Variants in TBC1D1 observed in about 807,000 individuals in gnomAD.
TBC1D1 encodes TBC1 domain family member 1.
Under a neutral mutation model 125.6 loss-of-function variants are expected in TBC1D1, and 89 were observed. The ratio of observed to expected loss-of-function variants is 0.71; its 90% CI spans 0.60 to 0.85. The LOEUF is 0.85. Ranked by LOEUF, TBC1D1 falls within the 40% of genes least tolerant of loss-of-function variation. TBC1D1 has a pLI of 0.00. For missense variants in TBC1D1, 1,377 were observed against 1,469.2 expected (o/e 0.94, Z 1.03); for synonymous variants, 565 against 564.1 (o/e 1.00, Z -0.02).
In TBC1D1 at chr4:38,018,380, C is replaced by T; in HGVS notation, c.909C>T (p.Ile303=). ...TTGGCCAGTCTGAAGTTTACCTCAT[C>T]AGTCCTGACACCAAAAAAATAGCAT... Residue 303 remains isoleucine, a synonymous_variant, in exon 4 of 20, where the codon ATC becomes ATT. Coordinates refer to ENST00000261439, the MANE Select transcript of TBC1D1 (RefSeq NM_015173.4). The T allele has an allele frequency of 6.2e-7, 1 of 1,611,650 alleles. No homozygotes were observed. The highest frequency in any genetic ancestry group is 1.3e-5 in the African/African-American group (1 of 74,882).
At chr4:38,080,449 C>A (rs905216113) in intron 12 of TBC1D1, among the ~76,000 whole-genome samples, 1 of 152,208 alleles carries the variant, frequency 6.6e-6, no homozygotes, top group African/African-American at 2.4e-5. Flanking sequence ...CACAGGAGGC[C>A]CTTTTCCTTC....
At chr4:37,975,238 C>CAG (rs1308087367) in intron 2 of TBC1D1, among the ~76,000 whole-genome samples, 1 of 151,510 alleles carries the variant, frequency 6.6e-6, no homozygotes. Context: ...GCAGCCGAGG[C>CAG]AGAGAGAGAG....
chr4:38,006,801 C>T (rs1283269260), intron 2 of TBC1D1: 3 of 511,044 alleles, frequency 5.9e-6, no homozygotes, highest in Non-Finnish European at 1.2e-5. Context: ...TTTTATGCTG[C>T]TCTTTTCCCC....
chr4:38,097,258 GT>G (rs1392139703), intron 14 of TBC1D1, among the ~76,000 whole-genome samples: 2 of 151,986 alleles, frequency 1.3e-5, no homozygotes, highest in African/African-American at 2.4e-5. Context: ...TGCCTCCCAG[GT>G]TTAAGCTATT....
chr4:37,939,040 C>T (rs2152301441), intron 2 of TBC1D1, among the ~76,000 whole-genome samples: 1 of 152,300 alleles, frequency 6.6e-6, no homozygotes, highest in East Asian at 1.9e-4. Flanking sequence ...GGTATATACC[C>T]AGTAATGGGA....
chr4:37,962,835 T>TA (rs1231975127), intron 2 of TBC1D1, among the ~76,000 whole-genome samples: 1 of 152,152 alleles, frequency 6.6e-6, no homozygotes, highest in Non-Finnish European at 1.5e-5. Context: ...AAAACTTGGA[T>TA]AAAAAAAGAA....
At chr4:38,067,591 C>T (rs1433210177) in intron 12 of TBC1D1, among the ~76,000 whole-genome samples, 2 of 152,164 alleles carry the variant, frequency 1.3e-5, no homozygotes, top group African/African-American at 2.4e-5. Flanking sequence ...GATTGGAGGC[C>T]GTCAGTGGGG....
At chr4:37,893,268 C>G (rs1264363591) in intron 1 of TBC1D1, among the ~76,000 whole-genome samples, 1 of 152,182 alleles carries the variant, frequency 6.6e-6, no homozygotes, top group Non-Finnish European at 1.5e-5. Flanking sequence ...TTCCTACTCT[C>G]TCCACAGCAT....
chr4:37,978,403 G>A (rs1733685144), intron 2 of TBC1D1, among the ~76,000 whole-genome samples: 3 of 152,212 alleles, frequency 2.0e-5, no homozygotes, highest in African/African-American at 7.2e-5. Context: ...CCTGTGTATG[G>A]CTGGTTGAGT....
chr4:38,133,896 A>AGCATCACCCCCACCCCC, intron 19 of TBC1D1, among the ~76,000 whole-genome samples: 2 of 152,234 alleles, frequency 1.3e-5, no homozygotes, highest in Non-Finnish European at 2.9e-5. Context: ...GGCCAGGTCC[A>AGCATCACCCCCACCCCC]GCATCACCCC....
At chr4:37,942,033 A>G (rs1725680801) in intron 2 of TBC1D1, among the ~76,000 whole-genome samples, 2 of 152,304 alleles carry the variant, frequency 1.3e-5, no homozygotes, top group South Asian at 2.1e-4. Context: ...GTAGATGTCT[A>G]TTAGGTCCGC....
chr4:37,949,816 C>T lies in TBC1D1; in HGVS notation c.417+47304C>T, dbSNP rs372100388. Reference sequence around the variant, plus strand: ...CAATAGACGGTACCAAAAGAATGGGCTTGGCTATGTTCCAATAAAACTTTA... The same window carrying T: ...CAATAGACGGTACCAAAAGAATGGGTTTGGCTATGTTCCAATAAAACTTTA... On this transcript the variant is annotated intron_variant, in intron 2 of 19. Coordinates refer to ENST00000261439, the MANE Select transcript of TBC1D1 (RefSeq NM_015173.4). Among the ~76,000 whole-genome samples the T allele has an allele frequency of 7.7e-4, 117 of 152,282 alleles. No homozygotes were observed. The South Asian group carries it at 0.011, about 14-fold the overall frequency.
chr4:38,001,243 G>GAA (rs1339750845), intron 2 of TBC1D1, among the ~76,000 whole-genome samples: 2 of 151,180 alleles, frequency 1.3e-5, no homozygotes, highest in African/African-American at 4.9e-5. Flanking sequence ...AAGAAAGAAA[G>GAA]AATACCACTC....
chr4:37,992,706 G>C (rs1736869914), intron 2 of TBC1D1, among the ~76,000 whole-genome samples: 1 of 151,736 alleles, frequency 6.6e-6, no homozygotes, highest in Non-Finnish European at 1.5e-5. Flanking sequence ...GTGTTAGCCA[G>C]ATGGTCTTGA....
chr4:38,055,907 G>T (rs944044192), intron 12 of TBC1D1, among the ~76,000 whole-genome samples: 3 of 152,204 alleles, frequency 2.0e-5, no homozygotes, highest in African/African-American at 7.2e-5. Flanking sequence ...TGTCTGAAAG[G>T]GGTGCCAGAA....
intron 13 of TBC1D1, among the ~76,000 whole-genome samples, chr4:38,090,660 C>T (rs1371317010): frequency 1.3e-5 from 2 of 152,158 alleles, no homozygotes; most frequent in African/African-American, 2.4e-5. Context: ...TGTTCATTTC[C>T]TGTTTCCATG....
At position 37,931,097 on chromosome 4, in the gene TBC1D1, T is replaced by TTTTGTTTG. The variant is rs58653315; in HGVS notation, c.417+28602_417+28609dup. On this transcript the variant is annotated intron_variant, in intron 2 of 19. Coordinates refer to ENST00000261439, the MANE Select transcript of TBC1D1 (RefSeq NM_015173.4). ...GTTTTGGGTTTTTTGGTTTTTGTTG[T>TTTTGTTTG]TTTGTTTGTTTGTTTGTTTGTTTGA... 1.6e-3 allele frequency among the ~76,000 whole-genome samples: 239 copies of TTTTGTTTG among 150,602 alleles called. 1 individual carries two copies. Among genetic ancestry groups the TTTTGTTTG allele is most frequent in the African/African-American group, 4.4e-3 (179 of 41,070 alleles).
intron 11 of TBC1D1, 130 bp from the exon 12 acceptor site, chr4:38,051,769 C>T (rs560100398): frequency 2.4e-6 from 2 of 837,358 alleles, no homozygotes; most frequent in East Asian, 5.4e-5. Flanking sequence ...TGGAAGAAGT[C>T]CTCCACTCTG....
rs1028726311 is a variant in TBC1D1 at position 38,012,996 on chromosome 4, T to C, written c.418-1513T>C. On this transcript the variant is annotated intron_variant, in intron 2 of 19. Coordinates refer to ENST00000261439, the MANE Select transcript of TBC1D1 (RefSeq NM_015173.4). ...TTTTAGTAGAGACGGGGTTTCACTA[T>C]GTTGGCCAGGCTGGTCTCAACCTCC... 5.9e-5 allele frequency among the ~76,000 whole-genome samples: 9 copies of C among 152,136 alleles called. No homozygotes were observed. In the South Asian group the frequency reaches 1.0e-3, roughly 17 times the overall value.
Sources: gnomAD v4.1 joint callset for allele counts (sites outside exome capture counted in the v4.1 genomes callset) on GRCh38, gnomAD v4.1.1 for gene constraint, MANE v1.5 for transcripts, NCBI Gene and HGNC (gene_info 2026-07-23, HGNC 2026-07-21) for gene names.